KIF13A: variants seen among roughly 807,000 people sequenced by gnomAD.
KIF13A encodes kinesin-like protein KIF13A.
A neutral mutation model predicts 212.2 loss-of-function variants in KIF13A; 79 were observed. The observed-to-expected ratio is 0.37, with a 90% CI of 0.31 to 0.45. KIF13A has a LOEUF of 0.45. KIF13A is among the 20% of genes least tolerant of loss of function. The pLI is 1.00. For missense variants in KIF13A, 1,901 were observed against 2,209.0 expected (o/e 0.86, Z 2.79); for synonymous variants, 789 against 808.6 (o/e 0.98, Z 0.41).
chr6:17,945,700 T>C (rs1304906989), intron 2 of KIF13A, among the ~76,000 whole-genome samples: 1 of 152,220 alleles, frequency 6.6e-6, no homozygotes, highest in African/African-American at 2.4e-5. Context: ...TTGAACTATG[T>C]GTCCAGTGCA....
In KIF13A at chr6:17,934,789, A is replaced by G. The variant is rs529698907; in HGVS notation, c.147-36609T>C. 1.3e-4 allele frequency among the ~76,000 whole-genome samples: 4 copies of G among 31,768 alleles called. No homozygotes were observed. The highest frequency in any genetic ancestry group is 2.9e-4 in the Admixed American group (1 of 3,460). The allele number at this position is 31,768 out of a possible 152,430, so 20.8% of individuals were successfully genotyped here. On this transcript the variant is annotated intron_variant, in intron 2 of 38. Coordinates refer to ENST00000259711, the MANE Select transcript of KIF13A (RefSeq NM_022113.6). The surrounding 1 kb of genome is among the most constrained non-coding windows in gnomAD (Gnocchi z 5.4). ...GCAACCAAGCAATACCCTGTCTCCA[A>G]AAAAAAAAAAAAGACACTTAAAAAT...
intron 20 of KIF13A, among the ~76,000 whole-genome samples, chr6:17,800,679 C>A (rs985561773): frequency 5.1e-4 from 77 of 151,614 alleles, no homozygotes; most frequent in African/African-American, 1.7e-3. Context: ...CGGCTCACTG[C>A]AACCTCCACC....
chr6:17,804,791 G>A (rs1281106679), intron 19 of KIF13A, among the ~76,000 whole-genome samples: 3 of 109,584 alleles, frequency 2.7e-5, no homozygotes, highest in Non-Finnish European at 5.1e-5. Flanking sequence ...CTGAGTGACA[G>A]AGCGAGACTC....
At chr6:17,761,342 A>G (rs968616701), downstream of KIF13A, among the ~76,000 whole-genome samples, 7 of 152,136 alleles carry the variant, frequency 4.6e-5, no homozygotes, top group African/African-American at 1.7e-4. Flanking sequence ...GGTCTCCCCA[A>G]AGTGCTAGGA....
rs371736366 is a variant in KIF13A at position 17,811,686 on chromosome 6, T to C, written c.2001-2756A>G. On this transcript the variant is annotated intron_variant, in intron 17 of 38. Transcript: ENST00000259711. This position sits in a 1 kb window ranked among gnomAD's most constrained non-coding sequence, Gnocchi z 6.0. ...CTTAGGTAAGAGTTCCAGCTTCTTA[T>C]ATAACCACATACAATTAATGACATC... 2.0e-5 allele frequency among the ~76,000 whole-genome samples: 3 copies of C among 152,244 alleles called. No individual in the cohort carries two copies. In the East Asian group the frequency reaches 5.8e-4, roughly 29 times the overall value.
chr6:17,901,798 C>G (rs1172343043), intron 2 of KIF13A, among the ~76,000 whole-genome samples: 1 of 152,170 alleles, frequency 6.6e-6, no homozygotes, highest in Non-Finnish European at 1.5e-5. Flanking sequence ...ATAATATAAA[C>G]ATCTATCAGA....
Position 17,787,739 on chromosome 6 carries a change from A to G in KIF13A, c.3361+37T>C. On this transcript the variant is annotated intron_variant, in intron 27 of 38. Coordinates refer to ENST00000259711, the MANE Select transcript of KIF13A (RefSeq NM_022113.6). This position sits in a 1 kb window ranked among gnomAD's most constrained non-coding sequence, Gnocchi z 4.6. The stretch of plus-strand genomic sequence containing the variant: ...CCTACTGCCATTGTGTAAAAGTGAA[A>G]AAGCTACTCCCCATAAAAGAGTTTG... 8.2e-7 allele frequency: 1 copy of G among 1,218,956 alleles called. No homozygotes were observed. Among genetic ancestry groups the G allele is most frequent in the South Asian group, 1.2e-5 (1 of 82,972 alleles). 75.5% of individuals were successfully genotyped at this position (1,218,956 alleles called of 1,614,324 possible).
In KIF13A at chr6:17,876,756, T is replaced by C. The variant is rs563541121; in HGVS notation, c.160-3319A>G. On this transcript the variant is annotated intron_variant, in intron 3 of 38. Transcript: ENST00000259711. ...CTCAATTGATCCTACCTCCTCAGCC[T>C]CCTGAGTAGCTGGGACTACAGGCAC... Among the ~76,000 whole-genome samples the C allele has an allele frequency of 8.5e-4, 130 of 152,250 alleles. 1 individual carries two copies. Among genetic ancestry groups the C allele is most frequent in the Admixed American group, 8.4e-3 (128 of 15,276 alleles).
chr6:17,861,802 A>T (rs1768816975), intron 4 of KIF13A, among the ~76,000 whole-genome samples: 1 of 152,144 alleles, frequency 6.6e-6, no homozygotes, highest in South Asian at 2.1e-4. Context: ...GGTCTATCTT[A>T]TATGTTATAA....
Position 17,769,346 on chromosome 6 carries a change from T to C in KIF13A, c.4581+1768A>G, listed in dbSNP as rs1004437565. ...GAGTGCTCAGCAAGCCAGTTTCCTA[T>C]GGAGAGTAGAGACAGCTTTTTCAAG... On this transcript the variant is annotated intron_variant, in intron 38 of 38. Coordinates refer to ENST00000259711, the MANE Select transcript of KIF13A (RefSeq NM_022113.6). The surrounding 1 kb of genome is among the most constrained non-coding windows in gnomAD (Gnocchi z 5.8). Among the ~76,000 whole-genome samples the C allele has an allele frequency of 1.3e-5, 2 of 152,262 alleles. No individual in the cohort carries two copies. The highest frequency in any genetic ancestry group is 4.8e-5 in the African/African-American group (2 of 41,556).
At position 17,855,672 on chromosome 6, in the gene KIF13A, G is replaced by A. The variant is rs958523588; in HGVS notation, c.314-55C>T. 3.6e-6 allele frequency: 5 copies of A among 1,376,746 alleles called. No individual in the cohort carries two copies. The African/African-American group carries it at 5.8e-5, about 16-fold the overall frequency. 85.3% of individuals were successfully genotyped at this position (1,376,746 alleles called of 1,614,324 possible). A position where few individuals can be genotyped will look rare whatever the true frequency, so the allele number is the denominator to read the frequency against. ...GGTAGAGGAGGGAGCAAAATGCAATGCTTCAACCATACAAGGTTTCCCCAT... is the reference window on the plus strand; with the variant it reads ...GGTAGAGGAGGGAGCAAAATGCAATACTTCAACCATACAAGGTTTCCCCAT... On this transcript the variant is annotated intron_variant, in intron 5 of 38. Transcript: ENST00000259711. This position sits in a 1 kb window ranked among gnomAD's most constrained non-coding sequence, Gnocchi z 4.1.
At position 17,828,215 on chromosome 6, in the gene KIF13A, T is replaced by G. The variant is rs1173101604; in HGVS notation, c.1532+25A>C. 8 of 1,606,448 alleles carry G rather than the reference T, an allele frequency of 5.0e-6. No individual in the cohort carries two copies. The highest frequency in any genetic ancestry group is 6.8e-6 in the Non-Finnish European group (8 of 1,176,068). ...CTGAAAATAAGGCACACAAGACACG[T>G]GAAGTCACCATTTACTTTTCTTACC... is the stretch of plus-strand genomic sequence containing the variant. On this transcript the variant is annotated intron_variant, in intron 14 of 38. Coordinates refer to ENST00000259711, the MANE Select transcript of KIF13A (RefSeq NM_022113.6). This position sits in a 1 kb window ranked among gnomAD's most constrained non-coding sequence, Gnocchi z 4.3.
chr6:17,962,073 T>G (rs1778861393), intron 2 of KIF13A, among the ~76,000 whole-genome samples: 1 of 152,172 alleles, frequency 6.6e-6, no homozygotes, highest in Non-Finnish European at 1.5e-5. Flanking sequence ...ATGCCTGTAG[T>G]CCCAGCACTT....
At chr6:17,974,948 C>T (rs1220172413) in intron 2 of KIF13A, among the ~76,000 whole-genome samples, 1 of 152,186 alleles carries the variant, frequency 6.6e-6, no homozygotes, top group Non-Finnish European at 1.5e-5. Flanking sequence ...AGCATATTTC[C>T]ATCATCTCAG....
At chr6:17,879,544 G>A (rs1380723563) in intron 3 of KIF13A, among the ~76,000 whole-genome samples, 1 of 152,122 alleles carries the variant, frequency 6.6e-6, no homozygotes, top group African/African-American at 2.4e-5. Context: ...GAGCACTGGG[G>A]TCCCCTTCAG....
rs575436775 is a variant in KIF13A at position 17,843,937 on chromosome 6, C to T, written c.830+5440G>A. The stretch of plus-strand genomic sequence containing the variant: ...GCGCACGCCTATAATCCCAGCTACT[C>T]GGGAGGCTGAGGCAGGAGAATCACT... On this transcript the variant is annotated intron_variant, in intron 9 of 38. Coordinates refer to ENST00000259711, the MANE Select transcript of KIF13A (RefSeq NM_022113.6). This position sits in a 1 kb window ranked among gnomAD's most constrained non-coding sequence, Gnocchi z 5.3. Among the ~76,000 whole-genome samples, 6 of 151,326 alleles carry T rather than the reference C, an allele frequency of 4.0e-5. No individual in the cohort carries two copies. In the South Asian group the frequency reaches 8.3e-4, roughly 21 times the overall value.
rs114976086 is a variant in KIF13A, at chr6:17,780,377, G to T, written c.3846+353C>A. Among the ~76,000 whole-genome samples, 11 of 152,220 alleles carry T rather than the reference G, an allele frequency of 7.2e-5. No individual in the cohort carries two copies. The East Asian group carries it at 2.1e-3, about 29-fold the overall frequency. Reference sequence around the variant, plus strand: ...GGATCCGTCAAAGCAGTAGGATAGGGATTTGTTTGGAGTCTGCCTTTTGTC... The same window carrying T: ...GGATCCGTCAAAGCAGTAGGATAGGTATTTGTTTGGAGTCTGCCTTTTGTC... On this transcript the variant is annotated intron_variant, in intron 31 of 38. Transcript: ENST00000259711.
At chr6:17,788,901 T>C (rs1432159888) in intron 26 of KIF13A, among the ~76,000 whole-genome samples, 1 of 151,744 alleles carries the variant, frequency 6.6e-6, no homozygotes, top group South Asian at 2.1e-4. Flanking sequence ...ATTTTTGTAT[T>C]TTTAGTAGAG....
Position 17,782,165 on chromosome 6 carries a change from G to A in KIF13A, c.3545-864C>T, listed in dbSNP as rs568635796. The stretch of plus-strand genomic sequence containing the variant: ...TTGGCCAGGATGGTCTCAATCTCTT[G>A]ACCTCATGATCCACCCGCCTCAGCC... On this transcript the variant is annotated intron_variant, in intron 29 of 38. Transcript: ENST00000259711. 3.0e-3 allele frequency among the ~76,000 whole-genome samples: 458 copies of A among 151,644 alleles called. 1 individual carries two copies. Among genetic ancestry groups the A allele is most frequent in the African/African-American group, 0.011 (445 of 41,364 alleles).
Sources: allele counts gnomAD v4.1 joint callset (sites outside exome capture counted in the v4.1 genomes callset), GRCh38; gene constraint gnomAD v4.1.1; non-coding constraint Gnocchi (gnomAD v3.1); transcripts MANE v1.5; gene names NCBI Gene and HGNC (gene_info 2026-07-23, HGNC 2026-07-21).